Variants in FHIT observed in about 807,000 individuals in gnomAD.
FHIT encodes bis(5'-adenosyl)-triphosphatase.
Under a neutral mutation model 17.9 loss-of-function variants are expected in FHIT, and 19 were observed. That is an observed-to-expected ratio of 1.06 (90% CI 0.74 to 1.56). FHIT has a LOEUF of 1.56. Ranked by LOEUF, FHIT falls within the 40% of genes most tolerant of loss-of-function variation. FHIT has a pLI of 0.00. For missense variants in FHIT, 248 were observed against 189.2 expected, an observed-to-expected ratio of 1.31 and a Z score of -1.82; for synonymous variants, 81 against 69.7, an observed-to-expected ratio of 1.16 and a Z score of -0.81.
intron 4 of FHIT, among the ~76,000 whole-genome samples, chr3:60,815,490 AG>A (rs1162911682): frequency 2.0e-5 from 3 of 151,990 alleles, no homozygotes; most frequent in Non-Finnish European, 4.4e-5. Context: ...TTATTAAATA[AG>A]GAAACCTTTC....
chr3:60,636,548 A>C (rs1368769317), intron 4 of FHIT, among the ~76,000 whole-genome samples: 1 of 152,206 alleles, frequency 6.6e-6, no homozygotes, highest in Non-Finnish European at 1.5e-5. Context: ...ATGTAGTAAG[A>C]GAAAATAACG....
At chr3:60,533,842 T>G (rs1256055692) in intron 5 of FHIT, among the ~76,000 whole-genome samples, 1 of 152,138 alleles carries the variant, frequency 6.6e-6, no homozygotes, top group East Asian at 1.9e-4. Flanking sequence ...CCTTATTGGT[T>G]TATTAACAAG....
intron 3 of FHIT, among the ~76,000 whole-genome samples, chr3:60,891,791 G>A (rs544872314): frequency 6.6e-6 from 1 of 152,152 alleles, no homozygotes; most frequent in East Asian, 1.9e-4. Context: ...CCCTTTCTGA[G>A]CCATAGATCA....
intron 5 of FHIT, among the ~76,000 whole-genome samples, chr3:60,210,016 A>G (rs1314480895): frequency 6.6e-6 from 1 of 152,168 alleles, no homozygotes; most frequent in Non-Finnish European, 1.5e-5. Context: ...ATACCTATGT[A>G]ACAAACCTGC....
chr3:60,576,475 C>T (rs2037569256), intron 4 of FHIT, among the ~76,000 whole-genome samples: 1 of 152,082 alleles, frequency 6.6e-6, no homozygotes, highest in South Asian at 2.1e-4. Context: ...AATGATAAAA[C>T]AGTTTCTTTG....
chr3:60,276,871 T>C (rs980186632), intron 5 of FHIT, among the ~76,000 whole-genome samples: 3 of 152,080 alleles, frequency 2.0e-5, no homozygotes, highest in African/African-American at 4.8e-5. Context: ...TCATGTGAAC[T>C]CACAGACTGA....
chr3:61,138,459 T>C (rs1307735864), intron 2 of FHIT, among the ~76,000 whole-genome samples: 1 of 152,178 alleles, frequency 6.6e-6, no homozygotes, highest in Non-Finnish European at 1.5e-5. Context: ...AGCTGGGCCT[T>C]TTCACCTCAT....
At chr3:60,167,454 T>C (rs1701225714) in intron 5 of FHIT, among the ~76,000 whole-genome samples, 1 of 152,184 alleles carries the variant, frequency 6.6e-6, no homozygotes, top group Admixed American at 6.5e-5. Flanking sequence ...CAGTTTAGAC[T>C]CTTAATTACC....
At chr3:60,536,836 TC>T in intron 5 of FHIT, 23 bp downstream of exon 5, 1 of 1,562,858 alleles carries the variant, frequency 6.4e-7, no homozygotes, top group Non-Finnish European at 8.6e-7. Context: ...ATTTTCCCTC[TC>T]CAAAAAAAAA....
At chr3:61,142,575 T>C (rs1329781016) in intron 2 of FHIT, among the ~76,000 whole-genome samples, 3 of 152,200 alleles carry the variant, frequency 2.0e-5, no homozygotes, top group African/African-American at 4.8e-5. Context: ...TGTGCTTCGC[T>C]ACCTCATGGC....
intron 5 of FHIT, among the ~76,000 whole-genome samples, chr3:60,433,599 A>G (rs566128915): frequency 4.2e-4 from 64 of 152,176 alleles, no homozygotes; most frequent in African/African-American, 1.5e-3. Context: ...TGCTTTTGTG[A>G]CAACAGCCCA....
rs548807737 is a variant in FHIT, at chr3:60,836,657, A to C, written c.-110-14646T>G. ...TGATATTGTAACCAAATGCAGGTCC[A>C]GATGCCCACTGTTTACAGAGTCCAG... is the stretch of plus-strand genomic sequence containing the variant. On this transcript the variant is annotated intron_variant, in intron 3 of 9. Coordinates refer to ENST00000492590, the MANE Select transcript of FHIT (RefSeq NM_002012.4). 2.2e-3 allele frequency among the ~76,000 whole-genome samples: 332 copies of C among 152,292 alleles called. 1 individual carries two copies. Among genetic ancestry groups the C allele is most frequent in the Non-Finnish European group, 3.9e-3 (263 of 68,024 alleles).
chr3:60,007,948 T>C (rs755039402), intron 7 of FHIT, among the ~76,000 whole-genome samples: 1 of 152,136 alleles, frequency 6.6e-6, no homozygotes, highest in Non-Finnish European at 1.5e-5. Flanking sequence ...CCTGCTTCTG[T>C]AGTTTTCTCA....
chr3:60,355,781 A>G (rs1034554779), intron 5 of FHIT, among the ~76,000 whole-genome samples: 13 of 152,196 alleles, frequency 8.5e-5, no homozygotes, highest in African/African-American at 2.9e-4. Context: ...TAACTCTTCA[A>G]TTCAGAAGCT....
At chr3:61,217,451 T>C (rs1264955660) in intron 1 of FHIT, among the ~76,000 whole-genome samples, 1 of 152,226 alleles carries the variant, frequency 6.6e-6, no homozygotes, top group African/African-American at 2.4e-5. Context: ...GGCCTCTCCA[T>C]GTGGCTTGAG....
intron 5 of FHIT, among the ~76,000 whole-genome samples, chr3:60,527,417 TTAAAGA>T (rs2035616390): frequency 6.6e-6 from 1 of 152,194 alleles, no homozygotes; most frequent in Non-Finnish European, 1.5e-5. Flanking sequence ...AAAATTAATC[TTAAAGA>T]TAAAAAGAAG....
intron 5 of FHIT, among the ~76,000 whole-genome samples, chr3:60,120,395 A>C (rs1253971531): frequency 1.3e-5 from 2 of 152,220 alleles, no homozygotes; most frequent in African/African-American, 4.8e-5. Flanking sequence ...CACTGAACTG[A>C]AATTCATAGT....
intron 5 of FHIT, among the ~76,000 whole-genome samples, chr3:60,098,663 G>T (rs1459621549): frequency 6.6e-6 from 1 of 152,032 alleles, no homozygotes; most frequent in Non-Finnish European, 1.5e-5. Flanking sequence ...CCATTTTGTA[G>T]GTTGCCTGTT....
At chr3:60,655,937 G>A (rs2040104011) in intron 4 of FHIT, among the ~76,000 whole-genome samples, 1 of 152,176 alleles carries the variant, frequency 6.6e-6, no homozygotes, top group Non-Finnish European at 1.5e-5. Flanking sequence ...ACGCCTTTCT[G>A]TCCTGAAAGC....
Sources: gnomAD v4.1 joint callset for allele counts (sites outside exome capture counted in the v4.1 genomes callset) on GRCh38, gnomAD v4.1.1 for gene constraint, MANE v1.5 for transcripts, NCBI Gene and HGNC (gene_info 2026-07-23, HGNC 2026-07-21) for gene names.